CTPS2: variants seen among roughly 807,000 people sequenced by gnomAD.
CTPS2 encodes CTP synthase 2, also known as CTP synthase II.
Under a neutral mutation model 46.8 loss-of-function variants are expected in CTPS2, and 19 were observed. That is an observed-to-expected ratio of 0.41 (90% CI 0.28 to 0.60). The LOEUF (loss-of-function observed/expected upper bound fraction) is 0.60. Among genes scored for constraint, CTPS2 ranks in the 20% least tolerant of loss-of-function variants. The probability of loss-of-function intolerance (pLI) is 0.35; values close to 1 mark genes in which losing one functional copy is unlikely to be tolerated. For synonymous variants in CTPS2, 151 were observed against 165.2 expected (o/e 0.91, Z 0.66); for missense variants, 286 against 447.6 (o/e 0.64, Z 3.26).
intron 17 of CTPS2, among the ~76,000 whole-genome samples, chrX:16,599,073 C>G (rs1348488755): frequency 1.8e-5 from 2 of 111,706 alleles, no homozygotes; most frequent in Non-Finnish European, 3.8e-5. Context: ...ATAATAAGAG[C>G]TATCTATGAC....
chrX:16,694,157 C>G (rs1344869792), intron 4 of CTPS2, among the ~76,000 whole-genome samples: 2 of 111,695 alleles, frequency 1.8e-5, no homozygotes, highest in Non-Finnish European at 1.9e-5. Flanking sequence ...GAGCGAGACT[C>G]CATCTCAAAA....
intron 14 of CTPS2, among the ~76,000 whole-genome samples, chrX:16,628,998 A>G (rs1931318082): frequency 8.9e-6 from 1 of 112,069 alleles, no homozygotes; most frequent in Non-Finnish European, 1.9e-5. Flanking sequence ...CCCTCACAAG[A>G]ACCCCATGAG....
In CTPS2 at chrX:16,702,150, G is replaced by A. The variant is rs1028059618; in HGVS notation, c.166+587C>T. Among the ~76,000 whole-genome samples, 47 of 110,687 alleles carry A rather than the reference G, an allele frequency of 4.2e-4. 1 individual carries two copies. The highest frequency in any genetic ancestry group is 7.6e-5 in the Non-Finnish European group (4 of 52,952). On this transcript the variant is annotated intron_variant, in intron 2 of 18. Coordinates refer to ENST00000359276, the MANE Select transcript of CTPS2 (RefSeq NM_175859.3). Reference sequence around the variant, plus strand: ...GCTCACTGCAACCTCCGCCTGCCAGGTTCAAGTGATTCTCCTGTCTCAGCC... The same window carrying A: ...GCTCACTGCAACCTCCGCCTGCCAGATTCAAGTGATTCTCCTGTCTCAGCC...
chrX:16,595,162 T>TACACACACACACACACACAC, intron 17 of CTPS2, among the ~76,000 whole-genome samples: 1 of 102,729 alleles, frequency 9.7e-6, no homozygotes, highest in East Asian at 3.0e-4. Context: ...AGCAATCTTT[T>TACACACACACACACACACAC]ACACACACAC....
intron 16 of CTPS2, among the ~76,000 whole-genome samples, chrX:16,614,069 A>G (rs1360066543): frequency 8.9e-6 from 1 of 111,928 alleles, no homozygotes; most frequent in Non-Finnish European, 1.9e-5. Context: ...TGGACCATAC[A>G]TAAAATACAC....
intron 17 of CTPS2, among the ~76,000 whole-genome samples, chrX:16,607,791 T>G: frequency 8.8e-6 from 1 of 113,002 alleles, no homozygotes; most frequent in East Asian, 2.8e-4. Flanking sequence ...CTGGTTATTG[T>G]GGTAATAACC....
intron 13 of CTPS2, among the ~76,000 whole-genome samples, chrX:16,662,123 C>T (rs993569842): frequency 1.8e-5 from 2 of 110,010 alleles, no homozygotes; most frequent in African/African-American, 6.6e-5. Context: ...ATGTCAGCAG[C>T]AGCCATGTGA....
In CTPS2 at chrX:16,670,661, G is replaced by A. The variant is rs761910024; in HGVS notation, c.1108C>T (p.Pro370Ser). Residue 370 changes from proline to serine, a missense_variant, in exon 11 of 19, where the codon CCT (proline) becomes TCT (serine). Physicochemically the swap from Pro to Ser is moderately conservative, Grantham distance 74. Transcript: ENST00000359276. The part of the protein sequence containing the change: ...KLCKADGILV[P>S]GGFGIRGTLG... ...GTTCCTCTGATTCCAAAGCCTCCAG[G>A]CACAAGAATACCACTGAAATCAATA... is the stretch of plus-strand genomic sequence containing the variant. The A allele has an allele frequency of 7.6e-6, 9 of 1,190,143 alleles. No individual in the cohort carries two copies. The highest frequency in any genetic ancestry group is 1.0e-5 in the Non-Finnish European group (9 of 882,254).
chrX:16,623,893 C>T (rs1198296376), intron 14 of CTPS2, among the ~76,000 whole-genome samples: 5 of 102,785 alleles, frequency 4.9e-5, no homozygotes, highest in South Asian at 9.3e-4. Flanking sequence ...CTGCAACCTC[C>T]GCCTCCCGGG....
intron 9 of CTPS2, among the ~76,000 whole-genome samples, chrX:16,681,047 G>A (rs1206399779): frequency 2.7e-5 from 3 of 111,429 alleles, no homozygotes; most frequent in Admixed American, 1.9e-4. Flanking sequence ...TTAGCTGGGC[G>A]TGGTGGCACA....
intron 1 of CTPS2, among the ~76,000 whole-genome samples, chrX:16,708,766 G>A (rs1037061318): frequency 3.6e-5 from 4 of 111,365 alleles, no homozygotes; most frequent in Non-Finnish European, 5.6e-5. Flanking sequence ...AAAAGTTACC[G>A]AAATGGAAAA....
At chrX:16,625,781 C>G (rs1931102078) in intron 14 of CTPS2, among the ~76,000 whole-genome samples, 2 of 109,912 alleles carry the variant, frequency 1.8e-5, no homozygotes, top group African/African-American at 6.6e-5. Flanking sequence ...GTCCAGCAGC[C>G]AATCTCCTCT....
chrX:16,639,274 A>G (rs1446756694), intron 13 of CTPS2, 31 bp from the exon 14 acceptor site: 1 of 1,070,949 alleles, frequency 9.3e-7, no homozygotes, highest in East Asian at 3.0e-5. Flanking sequence ...CAGTTTTGCC[A>G]TCTTGTAAAA....
chrX:16,707,683 AAAAG>A (rs747885953), intron 1 of CTPS2, among the ~76,000 whole-genome samples: 11 of 111,924 alleles, frequency 9.8e-5, no homozygotes, highest in Non-Finnish European at 2.1e-4. Context: ...CTCAAAAATA[AAAAG>A]AGAGACCAGG....
At chrX:16,697,099 A>T (rs1289895622) in intron 4 of CTPS2, among the ~76,000 whole-genome samples, 1 of 111,139 alleles carries the variant, frequency 9.0e-6, no homozygotes, top group Non-Finnish European at 1.9e-5. Flanking sequence ...GTTACAAATG[A>T]GTTAAATGAG....
At chrX:16,662,619 A>G (rs1343524748) in intron 13 of CTPS2, among the ~76,000 whole-genome samples, 1 of 110,666 alleles carries the variant, frequency 9.0e-6, no homozygotes, top group Non-Finnish European at 1.9e-5. Context: ...GTCCCCACAA[A>G]GTAACTGTTA....
chrX:16,630,348 G>A (rs979842670), intron 14 of CTPS2, among the ~76,000 whole-genome samples: 15 of 103,604 alleles, frequency 1.4e-4, no homozygotes, highest in Non-Finnish European at 2.9e-4. Flanking sequence ...TCTGCCTCCC[G>A]GGTTCCAGCA....
intron 17 of CTPS2, among the ~76,000 whole-genome samples, chrX:16,596,642 C>T (rs1429030846): frequency 3.6e-5 from 4 of 110,140 alleles, no homozygotes; most frequent in African/African-American, 1.0e-4. Flanking sequence ...TGAATAGTGC[C>T]GCAATAAACA....
chrX:16,590,913 C>A (rs778821754), intron 17 of CTPS2, 51 bp from the exon 18 acceptor site: 1 of 884,980 alleles, frequency 1.1e-6, no homozygotes, highest in South Asian at 2.2e-5. Context: ...AAAACCTGGA[C>A]AATTATTCAA....
Sources: allele counts gnomAD v4.1 joint callset (sites outside exome capture counted in the v4.1 genomes callset), GRCh38; gene constraint gnomAD v4.1.1; transcripts MANE v1.5; gene names NCBI Gene and HGNC (gene_info 2026-07-23, HGNC 2026-07-21).